The following ETV1 variants were observed in gnomAD, a reference collection of about 807,000 sequenced individuals.
ETV1 encodes ETS variant transcription factor 1.
Under a neutral mutation model 62.3 loss-of-function variants are expected in ETV1, and 27 were observed. That is an observed-to-expected ratio of 0.43 (90% CI 0.32 to 0.60). ETV1 has a LOEUF of 0.60. Among genes scored for constraint, ETV1 ranks in the 20% least tolerant of loss-of-function variants. ETV1 has a pLI of 0.06. For missense variants in ETV1, 605 were observed against 605.8 expected, an observed-to-expected ratio of 1.00 and a Z score of 0.01; for synonymous variants, 222 against 199.6, an observed-to-expected ratio of 1.11 and a Z score of -0.94.
chr7:13,986,876 A>C (rs561361942), intron 4 of ETV1, 191 bp from the exon 5 acceptor site: 104 of 530,938 alleles, frequency 2.0e-4, no homozygotes, highest in Non-Finnish European at 3.1e-4. Context: ...CCTATTAAGC[A>C]ACTCTTTAAG....
chr7:13,952,605 C>T (rs903959527), intron 6 of ETV1, among the ~76,000 whole-genome samples: 7 of 152,142 alleles, frequency 4.6e-5, no homozygotes, highest in African/African-American at 1.7e-4. Context: ...ATACGGTTAA[C>T]ATTTTAAAAC....
rs1010090174 is a variant in ETV1, at chr7:13,892,930, A to T, written c.*2936T>A. The T allele has an allele frequency of 4.3e-6, 1 of 232,074 alleles. No individual in the cohort carries two copies. The highest frequency in any genetic ancestry group is 2.2e-5 in the African/African-American group (1 of 45,248). The allele number at this position is 232,074 out of a possible 1,614,324, so 14.4% of individuals were successfully genotyped here. On this transcript the variant is annotated 3_prime_UTR_variant, in exon 14 of 14. Coordinates refer to ENST00000430479, the MANE Select transcript of ETV1 (RefSeq NM_004956.5). ...CTTCTGCCTCCAGAACTATAAGATA[A>T]ATTTGTGTAAATTACTGAAGTTGTG...
chr7:13,895,875 G>A lies in ETV1; in HGVS notation c.1425C>T (p.Tyr475=), dbSNP rs557502466. The change falls in exon 14 of 14, where the codon TAC becomes TAT. Residue 475 remains tyrosine, a synonymous_variant. Transcript: ENST00000430479. ...CCNPHPYNEG[Y]VY ...TTGACTGTCACTTGTGTTAATACAC[G>A]TAGCCTTCGTTGTAGGGGTGGGGGT... The A allele has an allele frequency of 2.8e-5, 45 of 1,612,794 alleles. No homozygotes were observed. The highest frequency in any genetic ancestry group is 4.5e-5 in the East Asian group (2 of 44,862).
At chr7:13,930,796 A>ATT (rs112701002) in intron 9 of ETV1, among the ~76,000 whole-genome samples, 9 of 114,944 alleles carry the variant, frequency 7.8e-5, no homozygotes, top group African/African-American at 2.2e-4. Flanking sequence ...ACCAATATAT[A>ATT]TTTTTTTTTT....
chr7:13,967,716 C>G (rs1342792145), intron 6 of ETV1, among the ~76,000 whole-genome samples: 2 of 151,802 alleles, frequency 1.3e-5, no homozygotes, highest in East Asian at 3.9e-4. Context: ...AAAATGATAC[C>G]AATAAAAACC....
intron 6 of ETV1, among the ~76,000 whole-genome samples, chr7:13,955,871 C>T (rs1014740758): frequency 1.3e-5 from 2 of 152,114 alleles, no homozygotes; most frequent in African/African-American, 2.4e-5. Context: ...AATTTTTCAT[C>T]GGGATCCATT....
At chr7:13,940,421 G>A (rs1787357546) in intron 6 of ETV1, among the ~76,000 whole-genome samples, 1 of 151,336 alleles carries the variant, frequency 6.6e-6, no homozygotes, top group Admixed American at 6.6e-5. Flanking sequence ...TTTATTCTTC[G>A]ATATGAAACT....
intron 11 of ETV1, chr7:13,907,811 C>T (rs1783129359): frequency 2.1e-6 from 1 of 470,384 alleles, no homozygotes; most frequent in African/African-American, 2.0e-5. Context: ...AGTAGAGAGA[C>T]ATATACCTCT....
chr7:13,928,353 A>T (rs1785672527), intron 9 of ETV1, among the ~76,000 whole-genome samples: 1 of 152,224 alleles, frequency 6.6e-6, no homozygotes, highest in African/African-American at 2.4e-5. Context: ...GTGGTGGCTC[A>T]CGCTTGTAAT....
chr7:13,963,071 A>C (rs1333494510), intron 6 of ETV1, among the ~76,000 whole-genome samples: 2 of 152,124 alleles, frequency 1.3e-5, no homozygotes, highest in Non-Finnish European at 1.5e-5. Context: ...CTTATATAGG[A>C]ACCACACTAA....
At chr7:13,947,186 G>T (rs1459845473) in intron 6 of ETV1, among the ~76,000 whole-genome samples, 1 of 152,158 alleles carries the variant, frequency 6.6e-6, no homozygotes, top group African/African-American at 2.4e-5. Context: ...TGTTACAACT[G>T]ACTGGTTAAT....
At chr7:13,920,890 G>A (rs1245161197) in intron 9 of ETV1, among the ~76,000 whole-genome samples, 1 of 152,128 alleles carries the variant, frequency 6.6e-6, no homozygotes, top group Non-Finnish European at 1.5e-5. Context: ...CAAATTGTGA[G>A]GCCAATCTAT....
chr7:13,931,378 C>A, intron 9 of ETV1, 124 bp downstream of exon 9: 2 of 1,057,228 alleles, frequency 1.9e-6, no homozygotes, highest in Non-Finnish European at 2.7e-6. Flanking sequence ...AATGAACGGA[C>A]AAAATCTGAA....
chr7:13,913,050 A>C (rs1463284817), intron 9 of ETV1, among the ~76,000 whole-genome samples: 1 of 152,228 alleles, frequency 6.6e-6, no homozygotes, highest in African/African-American at 2.4e-5. Flanking sequence ...TAAAAAATCC[A>C]ACCAATGAAG....
At chr7:13,981,532 CAT>C (rs536635563) in intron 5 of ETV1, among the ~76,000 whole-genome samples, 31 of 59,084 alleles carry the variant, frequency 5.2e-4, no homozygotes, top group South Asian at 1.6e-3. Context: ...TACATACATA[CAT>C]ATATATATAT....
At chr7:13,940,104 G>A (rs12532909) in intron 6 of ETV1, among the ~76,000 whole-genome samples, 45,643 of 152,020 alleles carry the variant, frequency 0.3, 7,397 homozygotes, top group East Asian at 0.4. Context: ...GGCTCACGCC[G>A]GTAATCCCAA....
At chr7:13,908,840 A>G (rs2128417215) in intron 11 of ETV1, among the ~76,000 whole-genome samples, 1 of 152,172 alleles carries the variant, frequency 6.6e-6, no homozygotes, top group South Asian at 2.1e-4. Context: ...TTGTGCAATC[A>G]GTGAATCACA....
intron 6 of ETV1, among the ~76,000 whole-genome samples, chr7:13,975,585 G>C (rs201070353): frequency 1.1e-5 from 1 of 89,814 alleles, no homozygotes; most frequent in African/African-American, 3.9e-5. Flanking sequence ...AAAAAGAAAA[G>C]AAAAGAAAAA....
chr7:13,908,876 C>T (rs544387259), intron 11 of ETV1, among the ~76,000 whole-genome samples: 56 of 152,064 alleles, frequency 3.7e-4, no homozygotes, highest in African/African-American at 1.3e-3. Context: ...TCCTGTCAAA[C>T]GATCAAAGCA....
Sources: allele counts gnomAD v4.1 joint callset (sites outside exome capture counted in the v4.1 genomes callset), GRCh38; gene constraint gnomAD v4.1.1; transcripts MANE v1.5; gene names NCBI Gene and HGNC (gene_info 2026-07-23, HGNC 2026-07-21).